Variants in FHIT observed in about 807,000 individuals in gnomAD.
FHIT encodes fragile histidine triad diadenosine triphosphatase, also known as bis(5'-adenosyl)-triphosphatase.
FHIT carries 19 observed loss-of-function variants against 17.9 expected under a neutral mutation model. The ratio of observed to expected loss-of-function variants is 1.06; its 90% CI spans 0.74 to 1.56. The LOEUF is 1.56. Ranked by LOEUF, FHIT falls within the 40% of genes most tolerant of loss-of-function variation. The pLI, the probability that FHIT is intolerant of heterozygous loss-of-function variation, is 0.00. For missense variants in FHIT, 248 were observed against 189.2 expected, an observed-to-expected ratio of 1.31 and a Z score of -1.82; for synonymous variants, 81 against 69.7, an observed-to-expected ratio of 1.16 and a Z score of -0.81.
intron 3 of FHIT, among the ~76,000 whole-genome samples, chr3:60,851,307 C>T (rs1553748215): frequency 6.6e-6 from 1 of 152,088 alleles, no homozygotes; most frequent in African/African-American, 2.4e-5. Flanking sequence ...AGCATTAGAA[C>T]AGATCCTTCT....
chr3:61,162,775 C>T (rs1348832323), intron 2 of FHIT, among the ~76,000 whole-genome samples: 1 of 152,118 alleles, frequency 6.6e-6, no homozygotes, highest in African/African-American at 2.4e-5. Flanking sequence ...AAATTGTGTT[C>T]TGTTCTCTGG....
chr3:60,733,980 G>A (rs1553711960), intron 4 of FHIT, among the ~76,000 whole-genome samples: 1 of 152,126 alleles, frequency 6.6e-6, no homozygotes, highest in African/African-American at 2.4e-5. Context: ...AAAACACTTA[G>A]GTGGACAGGC....
At chr3:61,114,057 A>G (rs1443609155) in intron 2 of FHIT, among the ~76,000 whole-genome samples, 3 of 152,226 alleles carry the variant, frequency 2.0e-5, no homozygotes, top group Non-Finnish European at 2.9e-5. Context: ...ATTACAGAAT[A>G]AACACTACTG....
chr3:61,021,407 A>T (rs9680926), intron 3 of FHIT, among the ~76,000 whole-genome samples: 4 of 144,282 alleles, frequency 2.8e-5, no homozygotes, highest in African/African-American at 9.9e-5. Context: ...AGACCATCCC[A>T]GCTAAAACGG....
intron 8 of FHIT, among the ~76,000 whole-genome samples, chr3:59,846,727 T>C (rs1460308107): frequency 2.0e-5 from 3 of 152,190 alleles, no homozygotes; most frequent in Non-Finnish European, 4.4e-5. Context: ...TTTAACCTTC[T>C]GGACTCCCTT....
chr3:60,176,656 G>A (rs1559700964), intron 5 of FHIT, among the ~76,000 whole-genome samples: 1 of 152,132 alleles, frequency 6.6e-6, no homozygotes, highest in Non-Finnish European at 1.5e-5. Flanking sequence ...AAAGCTCATC[G>A]AGGGCTGAAA....
At chr3:60,452,391 G>A (rs1304221370) in intron 5 of FHIT, among the ~76,000 whole-genome samples, 2 of 152,242 alleles carry the variant, frequency 1.3e-5, no homozygotes, top group Admixed American at 6.5e-5. Flanking sequence ...AGGCTTTACT[G>A]TGTACCCAAG....
intron 8 of FHIT, among the ~76,000 whole-genome samples, chr3:59,789,790 T>G (rs1166136890): frequency 6.6e-6 from 1 of 152,192 alleles, no homozygotes; most frequent in Non-Finnish European, 1.5e-5. Flanking sequence ...TAGCATCCTT[T>G]GAAATTCTGT....
intron 3 of FHIT, among the ~76,000 whole-genome samples, chr3:61,034,459 G>T (rs76202925): frequency 0.16 from 24,111 of 151,900 alleles, 2,151 homozygotes; most frequent in African/African-American, 0.23. Context: ...AAAAAAACCA[G>T]GTAATGGGTA....
intron 4 of FHIT, among the ~76,000 whole-genome samples, chr3:60,778,173 G>C (rs1009618441): frequency 1.8e-4 from 27 of 152,152 alleles, no homozygotes; most frequent in African/African-American, 5.8e-4. Flanking sequence ...TAATGTCTGA[G>C]TATATGCTAT....
chr3:59,791,538 C>T (rs772314029), intron 8 of FHIT, among the ~76,000 whole-genome samples: 3 of 152,264 alleles, frequency 2.0e-5, no homozygotes, highest in Admixed American at 6.5e-5. Flanking sequence ...CTAATAAACT[C>T]GTTCTCATTC....
At chr3:61,142,667 T>C (rs1276769521) in intron 2 of FHIT, among the ~76,000 whole-genome samples, 1 of 152,200 alleles carries the variant, frequency 6.6e-6, no homozygotes, top group Admixed American at 6.5e-5. Flanking sequence ...ATAATTGTTA[T>C]AATATTTAAT....
Position 60,276,643 on chromosome 3 carries a change from C to G in FHIT, c.103+260217G>C, listed in dbSNP as rs1420257210. On this transcript the variant is annotated intron_variant, in intron 5 of 9. Transcript: ENST00000492590. ...TCTTTGCATTACTCTAAAGGAATAC[C>G]TGAGACTGGGTAATTTTTAAAGAAA... is the stretch of plus-strand genomic sequence containing the variant. 2.6e-5 allele frequency among the ~76,000 whole-genome samples: 4 copies of G among 152,114 alleles called. No homozygotes were observed. In the East Asian group the frequency reaches 7.7e-4, roughly 29 times the overall value.
At chr3:60,924,956 T>C (rs1382309134) in intron 3 of FHIT, among the ~76,000 whole-genome samples, 1 of 152,040 alleles carries the variant, frequency 6.6e-6, no homozygotes, top group Non-Finnish European at 1.5e-5. Flanking sequence ...AGAAAGGGTA[T>C]CAGTGATGGA....
intron 5 of FHIT, among the ~76,000 whole-genome samples, chr3:60,387,020 A>ATTTTTTTT (rs1701038031): frequency 1.4e-5 from 1 of 70,790 alleles, no homozygotes; most frequent in Non-Finnish European, 3.6e-5. Context: ...AATTCTATTT[A>ATTTTTTTT]TTCTTTTTTT....
chr3:61,219,989 G>T (rs756588707), intron 1 of FHIT, among the ~76,000 whole-genome samples: 3 of 152,184 alleles, frequency 2.0e-5, no homozygotes, highest in Non-Finnish European at 4.4e-5. Context: ...TGAGGGATTT[G>T]CCTCTATTGT....
At chr3:60,430,739 C>G (rs79942069) in intron 5 of FHIT, among the ~76,000 whole-genome samples, 289 of 152,172 alleles carry the variant, frequency 1.9e-3, no homozygotes, top group African/African-American at 6.7e-3. Context: ...TAAGCTTTTA[C>G]TGAACTTTGG....
intron 2 of FHIT, among the ~76,000 whole-genome samples, chr3:61,054,317 T>C (rs1210667257): frequency 1.3e-5 from 2 of 152,176 alleles, no homozygotes; most frequent in Admixed American, 1.3e-4. Context: ...AATTGAGTGA[T>C]GTCAACTCAA....
intron 5 of FHIT, among the ~76,000 whole-genome samples, chr3:60,176,673 A>G (rs1264096539): frequency 6.6e-6 from 1 of 152,182 alleles, no homozygotes; most frequent in Non-Finnish European, 1.5e-5. Context: ...GAAATGTCCC[A>G]AAGACTTGGA....
Sources: gnomAD v4.1 joint callset for allele counts (sites outside exome capture counted in the v4.1 genomes callset) on GRCh38, gnomAD v4.1.1 for gene constraint, MANE v1.5 for transcripts, NCBI Gene and HGNC (gene_info 2026-07-23, HGNC 2026-07-21) for gene names.